The following ITPR2 variants were observed in gnomAD, a reference collection of about 807,000 sequenced individuals.
The protein encoded by ITPR2 is inositol 1,4,5-trisphosphate-gated calcium channel ITPR2.
ITPR2 carries 207 observed loss-of-function variants against 317.1 expected under a neutral mutation model. The observed-to-expected ratio is 0.65, with a 90% confidence interval of 0.58 to 0.73. ITPR2 has a LOEUF of 0.73. ITPR2 is among the 30% of genes least tolerant of loss of function. ITPR2 has a pLI of 0.00. For synonymous variants in ITPR2, 1,156 were observed against 1,149.1 expected (o/e 1.01, Z -0.12); for missense variants, 2,613 against 3,284.0 (o/e 0.80, Z 4.99).
At chr12:26,802,618 G>GATATATCTAT (rs1950578801) in intron 1 of ITPR2, among the ~76,000 whole-genome samples, 1 of 30,646 alleles carries the variant, frequency 3.3e-5, no homozygotes, top group African/African-American at 1.0e-4. Context: ...GATATATATA[G>GATATATCTAT]ATATAGATAT....
In ITPR2 at chr12:26,716,158, G is replaced by T; in HGVS notation, c.610C>A (p.Pro204Thr). ...HASNIELLDN[P>T]GCKEVNAVNC... Reference sequence around the variant, plus strand: ...CTTGAACTTACCTCTTTACACCCTGGGTTATCAAGAAGCTCTATGTTGCTG... The same window carrying T: ...CTTGAACTTACCTCTTTACACCCTGTGTTATCAAGAAGCTCTATGTTGCTG... The change falls in exon 6 of 57, where the codon CCA becomes ACA. Residue 204 changes from proline to threonine, a missense_variant. Coordinates refer to ENST00000381340, the MANE Select transcript of ITPR2 (RefSeq NM_002223.4). The T allele has an allele frequency of 6.2e-7, 1 of 1,611,816 alleles. No individual in the cohort carries two copies. The highest frequency in any genetic ancestry group is 8.5e-7 in the Non-Finnish European group (1 of 1,178,262).
rs1003884669 is a variant in ITPR2 at position 26,724,796 on chromosome 12, T to C, written c.280-54A>G. 10 of 1,318,960 alleles carry C rather than the reference T, an allele frequency of 7.6e-6. No individual in the cohort carries two copies. In the African/African-American group the frequency reaches 1.3e-4, roughly 17 times the overall value. The allele number at this position is 1,318,960 out of a possible 1,614,324, so 81.7% of individuals were successfully genotyped here. A position where few individuals can be genotyped will look rare whatever the true frequency, so the allele number is the denominator to read the frequency against. Reference sequence around the variant, plus strand: ...TAGAAATATAGTAAACAGAGTGTAATAACTGACAAAGAAATTTTTTTTAGG... The same window carrying C: ...TAGAAATATAGTAAACAGAGTGTAACAACTGACAAAGAAATTTTTTTTAGG... On this transcript the variant is annotated intron_variant, in intron 3 of 56. Coordinates refer to ENST00000381340, the MANE Select transcript of ITPR2 (RefSeq NM_002223.4).
intron 55 of ITPR2, among the ~76,000 whole-genome samples, chr12:26,363,714 C>T (rs1466814819): frequency 1.3e-5 from 2 of 152,082 alleles, no homozygotes; most frequent in African/African-American, 4.8e-5. Context: ...CACACAGGTA[C>T]CTATGTAACA....
rs1474581382 is a variant in ITPR2 at position 26,560,930 on chromosome 12, G to A, written c.4821+832C>T. ...CTCCATGCAATATTCTACTAATTATGTGAATGGGAAGATGTCTATTATGGG... is the reference window on the plus strand; with the variant it reads ...CTCCATGCAATATTCTACTAATTATATGAATGGGAAGATGTCTATTATGGG... On this transcript the variant is annotated intron_variant, in intron 35 of 56. Coordinates refer to ENST00000381340, the MANE Select transcript of ITPR2 (RefSeq NM_002223.4). 2.6e-5 allele frequency among the ~76,000 whole-genome samples: 4 copies of A among 152,166 alleles called. 1 individual carries two copies. Among genetic ancestry groups the A allele is most frequent in the African/African-American group, 9.7e-5 (4 of 41,430 alleles).
intron 35 of ITPR2, among the ~76,000 whole-genome samples, 189 bp from the exon 36 acceptor site, chr12:26,556,564 T>TGTGTGTGTGTGTG (rs558329274): frequency 7.2e-5 from 8 of 111,696 alleles, no homozygotes; most frequent in Admixed American, 1.7e-4. Flanking sequence ...CTATTTTTTT[T>TGTGTGTGTGTGTG]TTTGTGTGTG....
intron 55 of ITPR2, among the ~76,000 whole-genome samples, chr12:26,377,958 C>T (rs149788201): frequency 5.4e-4 from 82 of 152,202 alleles, no homozygotes; most frequent in Admixed American, 1.1e-3. Flanking sequence ...AAAATCTTCT[C>T]GGTGAAACTG....
At chr12:26,824,267 T>C (rs948520042) in intron 1 of ITPR2, among the ~76,000 whole-genome samples, 5 of 152,250 alleles carry the variant, frequency 3.3e-5, no homozygotes, top group Non-Finnish European at 4.4e-5. Context: ...TACTCTAATA[T>C]GGTTTCTACT....
intron 55 of ITPR2, among the ~76,000 whole-genome samples, chr12:26,379,225 G>A (rs896473741): frequency 2.6e-5 from 4 of 152,148 alleles, no homozygotes; most frequent in Admixed American, 2.6e-4. Flanking sequence ...AAGAACAATA[G>A]GATCTGCCTC....
intron 13 of ITPR2, among the ~76,000 whole-genome samples, chr12:26,667,652 C>A (rs375505488): frequency 9.9e-5 from 15 of 152,082 alleles, no homozygotes; most frequent in African/African-American, 3.6e-4. Context: ...GTTACTTCAG[C>A]AAAATGAAAA....
At chr12:26,576,571 G>A (rs1285815847) in intron 34 of ITPR2, among the ~76,000 whole-genome samples, 1 of 152,174 alleles carries the variant, frequency 6.6e-6, no homozygotes, top group Non-Finnish European at 1.5e-5. Context: ...CCAGAATGTG[G>A]GGACCCAAAA....
intron 37 of ITPR2, among the ~76,000 whole-genome samples, chr12:26,545,043 T>G (rs1252287244): frequency 6.6e-6 from 1 of 152,202 alleles, no homozygotes; most frequent in African/African-American, 2.4e-5. Flanking sequence ...TGCATTTAAA[T>G]TGCCCTACAC....
chr12:26,648,521 T>A (rs937543660), intron 21 of ITPR2, among the ~76,000 whole-genome samples: 3 of 151,816 alleles, frequency 2.0e-5, no homozygotes, highest in Admixed American at 6.6e-5. Context: ...TTTTTTTTTT[T>A]TTTTTAATTG....
chr12:26,469,838 TC>T (rs1457686108), intron 45 of ITPR2, among the ~76,000 whole-genome samples: 1 of 152,218 alleles, frequency 6.6e-6, no homozygotes, highest in Non-Finnish European at 1.5e-5. Context: ...TGCTGAGTTT[TC>T]TTTGGCCTGT....
At chr12:26,663,869 C>A in intron 14 of ITPR2, 23 bp from the exon 15 acceptor site, 1 of 1,572,434 alleles carries the variant, frequency 6.4e-7, no homozygotes, top group Admixed American at 2.0e-5. Flanking sequence ...AAAACAGCCA[C>A]CTATTCTGAT....
At chr12:26,750,197 A>G (rs1200342480) in intron 2 of ITPR2, among the ~76,000 whole-genome samples, 2 of 152,234 alleles carry the variant, frequency 1.3e-5, no homozygotes, top group Non-Finnish European at 2.9e-5. Context: ...TCCAAGTTCA[A>G]TGCCCAGTAA....
chr12:26,368,853 T>C (rs1156389241), intron 55 of ITPR2, among the ~76,000 whole-genome samples: 2 of 152,056 alleles, frequency 1.3e-5, no homozygotes, highest in African/African-American at 2.4e-5. Flanking sequence ...GAAGGAGACA[T>C]ACAATAAAAA....
chr12:26,628,264 A>C (rs1946669979), intron 22 of ITPR2, 102 bp from the exon 23 acceptor site: 1 of 847,696 alleles, frequency 1.2e-6, no homozygotes, highest in Non-Finnish European at 1.8e-6. Context: ...CAACCTTTCA[A>C]AGGAACTAGT....
Position 26,399,021 on chromosome 12 carries a change from T to C in ITPR2, c.7551A>G (p.Arg2517=), listed in dbSNP as rs1227747622. 3 of 1,584,068 alleles carry C rather than the reference T, an allele frequency of 1.9e-6. No homozygotes were observed. The African/African-American group carries it at 4.1e-5, about 22-fold the overall frequency. ...PSKDEPLFAA[R]VVYDLLFYFI... is the part of the protein sequence containing the mutation. The stretch of plus-strand genomic sequence containing the variant: ...AATAAAAAAGAAGGTCATAAACCAC[T>C]CGGGCAGCAAACAAGGGCTCCTGAA... The change falls in exon 54 of 57, where the codon CGA becomes CGG. Residue 2517 remains arginine, a synonymous_variant. Transcript: ENST00000381340.
In ITPR2 at chr12:26,637,884, T is replaced by C. The variant is rs115651287; in HGVS notation, c.2741-5825A>G. ...AATACTTAATGGAAGAAGCAGATAATATGATACCTAATTTTCTTCATTCTA... is the reference window on the plus strand; with the variant it reads ...AATACTTAATGGAAGAAGCAGATAACATGATACCTAATTTTCTTCATTCTA... On this transcript the variant is annotated intron_variant, in intron 21 of 56. Coordinates refer to ENST00000381340, the MANE Select transcript of ITPR2 (RefSeq NM_002223.4). Among the ~76,000 whole-genome samples, 1,005 of 152,300 alleles carry C rather than the reference T, an allele frequency of 6.6e-3. 18 individuals carry two copies. The highest frequency in any genetic ancestry group is 0.023 in the African/African-American group (966 of 41,576).
Sources: allele counts gnomAD v4.1 joint callset (sites outside exome capture counted in the v4.1 genomes callset), GRCh38; gene constraint gnomAD v4.1.1; transcripts MANE v1.5; gene names NCBI Gene and HGNC (gene_info 2026-07-23, HGNC 2026-07-21).